MTHFD1: variants seen among roughly 807,000 people sequenced by gnomAD.
MTHFD1 encodes C-1-tetrahydrofolate synthase, cytoplasmic.
In MTHFD1, 44 loss-of-function variants were observed where a neutral mutation model predicts 110.3. That is an observed-to-expected ratio of 0.40 (90% CI 0.31 to 0.51). The LOEUF (loss-of-function observed/expected upper bound fraction) is 0.51, where lower values mean the gene tolerates loss of function less well. Among genes scored for constraint, MTHFD1 ranks in the 20% least tolerant of loss-of-function variants. The pLI is 0.60. For synonymous variants in MTHFD1, 402 were observed against 428.8 expected, an observed-to-expected ratio of 0.94 and a Z score of 0.77; for missense variants, 909 against 1,173.1, an observed-to-expected ratio of 0.77 and a Z score of 3.29.
At chr14:64,453,104 A>AT in intron 24 of MTHFD1, among the ~76,000 whole-genome samples, 1 of 152,054 alleles carries the variant, frequency 6.6e-6, no homozygotes, top group Non-Finnish European at 1.5e-5. Flanking sequence ...TTAGCGAGAG[A>AT]TTTTAAATAT....
At chr14:64,444,621 C>T (rs754510756) in intron 21 of MTHFD1, 72 bp from the exon 22 acceptor site, 22 of 1,555,120 alleles carry the variant, frequency 1.4e-5, no homozygotes, top group Non-Finnish European at 2.0e-5. Flanking sequence ...GCCTTTAACA[C>T]ATGAAAAGCA....
chr14:64,405,583 T>C (rs2077930090), intron 2 of MTHFD1, among the ~76,000 whole-genome samples: 2 of 152,202 alleles, frequency 1.3e-5, no homozygotes, highest in Admixed American at 6.6e-5. Flanking sequence ...AGGAGCTCTC[T>C]TCCTCACTCC....
chr14:64,404,910 G>A (rs1285086941), intron 2 of MTHFD1, among the ~76,000 whole-genome samples: 2 of 152,056 alleles, frequency 1.3e-5, no homozygotes, highest in African/African-American at 4.8e-5. Flanking sequence ...GACAGAGGTT[G>A]CAGTGAGCTG....
intron 15 of MTHFD1, among the ~76,000 whole-genome samples, chr14:64,435,100 C>T (rs1192265906): frequency 6.6e-6 from 1 of 151,828 alleles, no homozygotes; most frequent in South Asian, 2.1e-4. Context: ...TAGTCACCCA[C>T]CACCATGCCC....
intron 15 of MTHFD1, among the ~76,000 whole-genome samples, chr14:64,434,949 CTTTTTTTTTTTTT>C (rs374039248): frequency 1.5e-4 from 12 of 80,824 alleles, no homozygotes; most frequent in Non-Finnish European, 2.7e-4. Context: ...TCCCTCTTTT[CTTTTTTTTTTTTT>C]TTTTTTTTTT....
chr14:64,450,955 G>GT (rs1298318157), intron 24 of MTHFD1, among the ~76,000 whole-genome samples: 2 of 152,086 alleles, frequency 1.3e-5, no homozygotes, highest in Admixed American at 1.3e-4. Context: ...ATCACCTAAG[G>GT]TCAAGAGTTG....
At chr14:64,401,912 A>G (rs1212937579) in intron 2 of MTHFD1, among the ~76,000 whole-genome samples, 2 of 152,294 alleles carry the variant, frequency 1.3e-5, no homozygotes, top group Non-Finnish European at 2.9e-5. Flanking sequence ...CTGGAGTCCT[A>G]TCTGCCTCTG....
intron 21 of MTHFD1, among the ~76,000 whole-genome samples, chr14:64,443,028 G>A (rs1230725467): frequency 6.6e-6 from 1 of 152,118 alleles, no homozygotes; most frequent in Non-Finnish European, 1.5e-5. Context: ...GGGCCTACAT[G>A]AAAAGACATG....
intron 18 of MTHFD1, 140 bp downstream of exon 18, chr14:64,440,406 T>G (rs745478700): frequency 4.7e-6 from 5 of 1,057,090 alleles, no homozygotes; most frequent in Non-Finnish European, 7.2e-6. Context: ...ATTTTGCTAA[T>G]TACAAGATAA....
chr14:64,430,282 G>C, intron 13 of MTHFD1, 52 bp downstream of exon 13: 1 of 1,543,482 alleles, frequency 6.5e-7, no homozygotes, highest in East Asian at 2.2e-5. Context: ...TTTGTCGGGG[G>C]GGAGGGTGCT....
intron 12 of MTHFD1, among the ~76,000 whole-genome samples, chr14:64,427,996 G>A (rs1473444516): frequency 6.6e-6 from 1 of 151,376 alleles, no homozygotes; most frequent in African/African-American, 2.4e-5. Context: ...AAAGGCACCT[G>A]TATTAAGTAC....
intron 17 of MTHFD1, among the ~76,000 whole-genome samples, chr14:64,439,880 C>G (rs916395401): frequency 5.4e-5 from 7 of 128,850 alleles, no homozygotes; most frequent in Non-Finnish European, 1.1e-4. Context: ...GGCAACAGAC[C>G]GAGACTCTGT....
intron 25 of MTHFD1, among the ~76,000 whole-genome samples, chr14:64,454,072 T>C (rs905226833): frequency 3.3e-5 from 5 of 152,166 alleles, no homozygotes; most frequent in Admixed American, 2.0e-4. Flanking sequence ...TAGAAATCCA[T>C]GAGGAAATAC....
In MTHFD1 at chr14:64,427,352, C is replaced by G; in HGVS notation, c.1143C>G (p.Pro381=). Residue 381 remains proline (P), a synonymous_variant, in exon 12 of 28, where the codon CCC becomes CCG. Coordinates refer to ENST00000652337, the MANE Select transcript of MTHFD1 (RefSeq NM_005956.4). ...YVVVTGITPT[P]LGEGKSTTTI... is the part of the protein sequence containing the mutation. ...CGTCTTGAAGAATAACTCCAACACC[C>G]CTGGGAGAAGGGAAAAGCACAACTA... 1 of 1,614,190 alleles carries G rather than the reference C, an allele frequency of 6.2e-7. No homozygotes were observed. Among genetic ancestry groups the G allele is most frequent in the Non-Finnish European group, 8.5e-7 (1 of 1,180,036 alleles).
chr14:64,440,996 C>T (rs953098462), intron 18 of MTHFD1: 4 of 318,578 alleles, frequency 1.3e-5, no homozygotes, highest in Non-Finnish European at 1.8e-5. Flanking sequence ...TTGAGACCAT[C>T]CTGGCTAACA....
rs759599710 is a variant in MTHFD1 at position 64,442,339 on chromosome 14, C to G, written c.2073C>G (p.Cys691Trp). ...TCAAATGCCGGTATTCCGGCCTCTG[C>G]CCCCACGTGGTGGTGCTTGTTGCCA... ...FNIKCRYSGL[C>W]PHVVVLVATV... Residue 691 changes from cysteine to tryptophan, a missense_variant, in exon 21 of 28, where the codon TGC (cysteine) becomes TGG (tryptophan). Coordinates refer to ENST00000652337, the MANE Select transcript of MTHFD1 (RefSeq NM_005956.4). 7 of 1,613,972 alleles carry G rather than the reference C, an allele frequency of 4.3e-6. No homozygotes were observed. In the South Asian group the frequency reaches 5.5e-5, roughly 13 times the overall value.
intron 1 of MTHFD1, among the ~76,000 whole-genome samples, chr14:64,394,756 G>C (rs985204415): frequency 3.9e-5 from 6 of 152,206 alleles, no homozygotes; most frequent in Non-Finnish European, 5.9e-5. Flanking sequence ...TCCTTAGTAA[G>C]CAGCCTTTTA....
intron 1 of MTHFD1, among the ~76,000 whole-genome samples, chr14:64,393,928 C>G (rs2077827016): frequency 6.6e-6 from 1 of 152,072 alleles, no homozygotes; most frequent in African/African-American, 2.4e-5. Context: ...GAAAAGTTAG[C>G]TTCACTTTCC....
intron 22 of MTHFD1, 78 bp downstream of exon 22, chr14:64,444,812 G>GGA: frequency 6.7e-7 from 1 of 1,493,928 alleles, no homozygotes; most frequent in Non-Finnish European, 9.3e-7. Flanking sequence ...TGGCCCATGT[G>GGA]GAAATGAATG....
Sources: gnomAD v4.1 joint callset for allele counts (sites outside exome capture counted in the v4.1 genomes callset) on GRCh38, gnomAD v4.1.1 for gene constraint, MANE v1.5 for transcripts, NCBI Gene and HGNC (gene_info 2026-07-23, HGNC 2026-07-21) for gene names.